PRDM15: variants seen among roughly 807,000 people sequenced by gnomAD.
PRDM15 encodes PR domain zinc finger protein 15.
A neutral mutation model predicts 128.6 loss-of-function variants in PRDM15; 64 were observed. The observed-to-expected ratio is 0.50, with a 90% CI of 0.41 to 0.61. The LOEUF (loss-of-function observed/expected upper bound fraction) is 0.61. Among genes scored for constraint, PRDM15 ranks in the 20% least tolerant of loss-of-function variants. The probability of loss-of-function intolerance (pLI) is 0.00; values close to 1 mark genes in which losing one functional copy is unlikely to be tolerated. For synonymous variants in PRDM15, 615 were observed against 621.8 expected, an observed-to-expected ratio of 0.99 and a Z score of 0.16; for missense variants, 1,242 against 1,569.1, an observed-to-expected ratio of 0.79 and a Z score of 3.52.
rs894452965 is a variant in PRDM15, at chr21:41,862,659, A to G, written c.-9-2287T>C. Among the ~76,000 whole-genome samples, 6 of 152,158 alleles carry G rather than the reference A, an allele frequency of 3.9e-5. No individual in the cohort carries two copies. The highest frequency in any genetic ancestry group is 1.2e-4 in the African/African-American group (5 of 41,432). On this transcript the variant is annotated intron_variant, in intron 1 of 23. Coordinates refer to ENST00000398548, the MANE Select transcript of PRDM15 (RefSeq NM_001040424.3). The surrounding 1 kb of genome is among the most constrained non-coding windows in gnomAD (Gnocchi z 4.1). ...CTAAAACGGCTCCTCTGGGCCCAAG[A>G]TCAGAGGCCACAGCCACCCTGGGCT...
intron 21 of PRDM15, among the ~76,000 whole-genome samples, chr21:41,809,652 A>T (rs1638782841): frequency 6.6e-6 from 1 of 152,108 alleles, no homozygotes; most frequent in Non-Finnish European, 1.5e-5. Flanking sequence ...GTGACCTGAC[A>T]ACTAAGTTTT....
intron 7 of PRDM15, 27 bp from the exon 8 acceptor site, chr21:41,838,090 A>G (rs374903211): frequency 3.7e-6 from 6 of 1,611,792 alleles, no homozygotes; most frequent in South Asian, 3.3e-5. Flanking sequence ...TGACAAGCTA[A>G]GTAACCACAA....
intron 5 of PRDM15, among the ~76,000 whole-genome samples, chr21:41,848,296 T>C (rs972540901): frequency 3.3e-5 from 5 of 152,240 alleles, no homozygotes; most frequent in Non-Finnish European, 5.9e-5. Context: ...AGGTTACTGC[T>C]ATCACCCTGT....
rs778825199 is a variant in PRDM15 at position 41,821,979 on chromosome 21, G to A, written c.1820C>T (p.Ser607Phe). 2 of 1,614,098 alleles carry A rather than the reference G, an allele frequency of 1.2e-6. No individual in the cohort carries two copies. The highest frequency in any genetic ancestry group is 1.1e-5 in the South Asian group (1 of 91,088). Residue 607 changes from serine (S) to phenylalanine (F), a missense_variant, in exon 15 of 24, where the codon TCC (serine) becomes TTC (phenylalanine). By Grantham distance (155) the Ser-to-Phe change is radical. Coordinates refer to ENST00000398548, the MANE Select transcript of PRDM15 (RefSeq NM_001040424.3). The surrounding 1 kb of genome is among the most constrained non-coding windows in gnomAD (Gnocchi z 5.4). ...REEFIGKIGI[S>F]SEENDDNSDE... ...AGAATTGTCATCGTTTTCTTCCGAG[G>A]AGATCCCGATCTTGCCGATAAACTC...
At chr21:41,858,396 G>A (rs1426202694) in intron 3 of PRDM15, among the ~76,000 whole-genome samples, 4 of 151,986 alleles carry the variant, frequency 2.6e-5, no homozygotes, top group Non-Finnish European at 4.4e-5. Context: ...AGGCCCCTCC[G>A]ACAGAGGCGG....
chr21:41,817,364 C>A (rs1344802220), intron 18 of PRDM15, among the ~76,000 whole-genome samples: 1 of 152,270 alleles, frequency 6.6e-6, no homozygotes, highest in East Asian at 1.9e-4. Flanking sequence ...TGATGTGATT[C>A]TGAACAAGAC....
chr21:41,871,655 T>C (rs778111720), intron 1 of PRDM15: 18 of 1,584,948 alleles, frequency 1.1e-5, no homozygotes, highest in South Asian at 2.3e-5. Context: ...AAAGTAGACA[T>C]GAGAAGCCCA....
intron 17 of PRDM15, 76 bp downstream of exon 17, chr21:41,820,019 G>T: frequency 2.4e-6 from 3 of 1,239,534 alleles, no homozygotes; most frequent in Non-Finnish European, 3.5e-6. Flanking sequence ...TGTAGAATAC[G>T]CGGAGACCCC....
rs2062899533 is a variant in PRDM15 at position 41,836,488 on chromosome 21, C to T, written c.1163G>A (p.Ser388Asn). The T allele has an allele frequency of 6.2e-7, 1 of 1,611,788 alleles. No individual in the cohort carries two copies. ...SKIFQNSSNL[S>N]RHVRSHGDKL... is the part of the protein sequence containing the mutation. ...CTCACCATGCGAGCGCACGTGCCTG[C>T]TCAGGTTGCTGCTGTTCTGGAAGAT... is the stretch of plus-strand genomic sequence containing the variant. The change falls in exon 9 of 24, where the codon AGC becomes AAC. Residue 388 changes from serine to asparagine, a missense_variant. Ser to Asn is a conservative substitution (Grantham distance 46). Around this residue, in one of 3 missense-constraint regions of PRDM15, gnomAD observed 612 missense variants for 717.0 expected, o/e 0.85. Transcript: ENST00000398548.
At chr21:41,818,926 G>A (rs927211378) in intron 18 of PRDM15, among the ~76,000 whole-genome samples, 1 of 152,166 alleles carries the variant, frequency 6.6e-6, no homozygotes, top group South Asian at 2.1e-4. Context: ...CGGCCGTGGT[G>A]AGTTTCTCTC....
chr21:41,829,592 C>T (rs1452581856), intron 11 of PRDM15, among the ~76,000 whole-genome samples: 2 of 150,754 alleles, frequency 1.3e-5, no homozygotes, highest in African/African-American at 4.9e-5. Flanking sequence ...TCAACACACA[C>T]CACATACACT....
chr21:41,802,951 C>A (rs953442848), intron 22 of PRDM15, 30 bp from the exon 23 acceptor site: 3 of 1,598,808 alleles, frequency 1.9e-6, no homozygotes, highest in Non-Finnish European at 2.6e-6. Context: ...AGCCGAGAAC[C>A]AGGTTAGTCG....
At position 41,839,532 on chromosome 21, in the gene PRDM15, G is replaced by A. The variant is rs151209295; in HGVS notation, c.871+91C>T. ...AGGCCTTTCTACACTGAGTTTTCCCGCCCCGCCCTCTGCCCCCTGCCCCGC... is the reference window on the plus strand; with the variant it reads ...AGGCCTTTCTACACTGAGTTTTCCCACCCCGCCCTCTGCCCCCTGCCCCGC... On this transcript the variant is annotated intron_variant, in intron 7 of 23. Coordinates refer to ENST00000398548, the MANE Select transcript of PRDM15 (RefSeq NM_001040424.3). The A allele has an allele frequency of 3.0e-3, 2,539 of 852,028 alleles. 36 individuals are homozygous for A. In the African/African-American group the frequency reaches 0.037, roughly 12 times the overall value. The allele number at this position is 852,028 out of a possible 1,614,324, so 52.8% of individuals were successfully genotyped here.
chr21:41,865,603 C>A (rs1336430130), intron 1 of PRDM15, among the ~76,000 whole-genome samples: 2 of 152,158 alleles, frequency 1.3e-5, no homozygotes, highest in African/African-American at 4.8e-5. Context: ...AGACAGAGCC[C>A]TAACCTCACC....
At chr21:41,822,091 A>G (rs1048582984) in intron 14 of PRDM15, 54 bp from the exon 15 acceptor site, 2 of 1,608,112 alleles carry the variant, frequency 1.2e-6, no homozygotes, top group African/African-American at 2.7e-5. Flanking sequence ...CGCTTCACTC[A>G]GTTATCTACA....
chr21:41,829,003 C>CCACACAAT (rs2062579842), intron 11 of PRDM15, among the ~76,000 whole-genome samples: 1 of 115,700 alleles, frequency 8.6e-6, no homozygotes, highest in African/African-American at 3.2e-5. Context: ...AAATACACAA[C>CCACACAAT]CACACACACC....
intron 11 of PRDM15, among the ~76,000 whole-genome samples, chr21:41,830,583 A>G (rs1403899271): frequency 4.0e-5 from 6 of 151,552 alleles, no homozygotes; most frequent in African/African-American, 1.5e-4. Context: ...CACACACCAC[A>G]CACCTCATAT....
Position 41,836,537 on chromosome 21 carries a change from A to G in PRDM15, c.1114T>C (p.Tyr372His). ...IKQLGEHKRV[Y>H]QCNICSKIFQ... is the part of the protein sequence containing the mutation. ...ATCTTGCTGCAGATATTGCACTGGT[A>G]AACCCGCTTGTGCTCCCCGAGCTGT... The change falls in exon 9 of 24, where the codon TAC becomes CAC. Residue 372 changes from tyrosine to histidine, a missense_variant. This residue lies in a region of PRDM15 where 612 missense variants were observed against 717.0 expected (regional missense o/e 0.85). Transcript: ENST00000398548. The G allele has an allele frequency of 1.2e-6, 2 of 1,613,030 alleles. No homozygotes were observed. The highest frequency in any genetic ancestry group is 1.7e-6 in the Non-Finnish European group (2 of 1,179,996).
chr21:41,870,426 C>T (rs1489915899), intron 1 of PRDM15, among the ~76,000 whole-genome samples: 1 of 152,098 alleles, frequency 6.6e-6, no homozygotes. Context: ...GCATCTTTCC[C>T]GCTGGGCACA....
Sources: allele counts gnomAD v4.1 joint callset (sites outside exome capture counted in the v4.1 genomes callset), GRCh38; gene constraint gnomAD v4.1.1; regional missense constraint gnomAD v4.1.1; non-coding constraint Gnocchi (gnomAD v3.1); transcripts MANE v1.5; gene names NCBI Gene and HGNC (gene_info 2026-07-23, HGNC 2026-07-21).